The following SLC8A2 variants were observed in gnomAD, a reference collection of about 807,000 sequenced individuals.
The protein encoded by SLC8A2 is solute carrier family 8 member A2.
In SLC8A2, 14 loss-of-function variants were observed where a neutral mutation model predicts 70.2. The ratio of observed to expected loss-of-function variants is 0.20; its 90% CI spans 0.13 to 0.31. SLC8A2 has a LOEUF of 0.31. SLC8A2 is among the 10% of genes least tolerant of loss of function. The pLI, the probability that SLC8A2 is intolerant of heterozygous loss-of-function variation, is 1.00. For synonymous variants in SLC8A2, 575 were observed against 594.3 expected, an observed-to-expected ratio of 0.97 and a Z score of 0.47; for missense variants, 779 against 1,320.1, an observed-to-expected ratio of 0.59 and a Z score of 6.35.
At position 47,447,575 on chromosome 19, in the gene SLC8A2, C is replaced by T. The variant is rs1377415921; in HGVS notation, c.1763+234G>A. On this transcript the variant is annotated intron_variant, in intron 4 of 9. Coordinates refer to ENST00000236877, the MANE Select transcript of SLC8A2 (RefSeq NM_015063.3). This position sits in a 1 kb window ranked among gnomAD's most constrained non-coding sequence, Gnocchi z 5.1. ...ACTTTGGAGAACGATTCACTCAGGC[C>T]CCTCTCCTCCTGAGGGCCCAGCTGT... 3.8e-6 allele frequency: 2 copies of T among 520,578 alleles called. No individual in the cohort carries two copies. The highest frequency in any genetic ancestry group is 6.7e-6 in the Non-Finnish European group (2 of 297,828). The allele number at this position is 520,578 out of a possible 1,614,324, so 32.2% of individuals were successfully genotyped here. A position where few individuals can be genotyped will look rare whatever the true frequency, so the allele number is the denominator to read the frequency against.
chr19:47,447,816 C>T lies in SLC8A2; in HGVS notation c.1756G>A (p.Glu586Lys). ...CGCCTCGGGCGTGCTCACATGGTCT[C>T]GTCGTCGCCAAACTCCAGCTCTCCG... is the stretch of plus-strand genomic sequence containing the variant. Reference protein sequence around the residue: ...ACGELEFGDDETMKTLQVKIV... With the variant: ...ACGELEFGDDKTMKTLQVKIV... The change falls in exon 4 of 10, where the codon GAG (glutamate) becomes AAG (lysine). Residue 586 changes from glutamate (E) to lysine (K), a missense_variant. Physicochemically the swap from Glu to Lys is moderately conservative, Grantham distance 56 (BLOSUM62 1). Transcript: ENST00000236877. This position sits in a 1 kb window ranked among gnomAD's most constrained non-coding sequence, Gnocchi z 5.1. 2.5e-6 allele frequency: 4 copies of T among 1,589,350 alleles called. No homozygotes were observed. Among genetic ancestry groups the T allele is most frequent in the South Asian group, 1.1e-5 (1 of 89,402 alleles).
At chr19:47,462,909 T>C (rs1032761397) in intron 2 of SLC8A2, among the ~76,000 whole-genome samples, 11 of 152,082 alleles carry the variant, frequency 7.2e-5, no homozygotes, top group African/African-American at 2.7e-4. Flanking sequence ...TTATATGAAG[T>C]ATTTTCCTGT....
At position 47,432,415 on chromosome 19, in the gene SLC8A2, C is replaced by A; in HGVS notation, c.2141G>T (p.Arg714Leu). 6.2e-7 allele frequency: 1 copy of A among 1,606,982 alleles called. No individual in the cohort carries two copies. Residue 714 changes from arginine (R) to leucine (L), a missense_variant, in exon 9 of 10, where the codon CGG becomes CTG. Arg to Leu is a moderately radical substitution (Grantham distance 102, BLOSUM62 -2). This residue lies in a region of SLC8A2 where 247 missense variants were observed against 362.8 expected (regional missense o/e 0.68). Coordinates refer to ENST00000236877, the MANE Select transcript of SLC8A2 (RefSeq NM_015063.3). This position sits in a 1 kb window ranked among gnomAD's most constrained non-coding sequence, Gnocchi z 6.2. ...GDEEEEEDGSREERLPSCFDY... is the reference protein window; with the variant it reads ...GDEEEEEDGSLEERLPSCFDY... ...AAAGCACGACGGCAGCCGCTCCTCC[C>A]GGGACCCGTCCTCCTCCTCCTCCTC...
rs997535401 is a variant in SLC8A2, at chr19:47,428,605, TCA to T, written c.*1482_*1483del. 1 of 152,552 alleles carries T rather than the reference TCA, an allele frequency of 6.6e-6. No homozygotes were observed. Among genetic ancestry groups the T allele is most frequent in the African/African-American group, 2.4e-5 (1 of 41,400 alleles). 9.4% of individuals were successfully genotyped at this position (152,552 alleles called of 1,614,324 possible). The stretch of plus-strand genomic sequence containing the variant: ...ACTTGGTTTAACAGTTGCCCAAATC[TCA>T]GTCAGAGACCTTATTAGCCCCCTCC... On this transcript the variant is annotated 3_prime_UTR_variant, in exon 10 of 10. Transcript: ENST00000236877.
At chr19:47,441,798 TTAAA>T (rs1411168166) in intron 4 of SLC8A2, among the ~76,000 whole-genome samples, 6 of 152,142 alleles carry the variant, frequency 3.9e-5, no homozygotes, top group Non-Finnish European at 8.8e-5. Flanking sequence ...TCTATTTATA[TTAAA>T]TAATTTATTT....
At chr19:47,458,824 C>G (rs1967351057) in intron 2 of SLC8A2, among the ~76,000 whole-genome samples, 1 of 150,102 alleles carries the variant, frequency 6.7e-6, no homozygotes, top group Non-Finnish European at 1.5e-5. Flanking sequence ...CACCGTTTCT[C>G]TCTCTCCTTT....
At position 47,466,336 on chromosome 19, in the gene SLC8A2, G is replaced by T; in HGVS notation, c.68C>A (p.Thr23Asn). 1 of 1,467,294 alleles carries T rather than the reference G, an allele frequency of 6.8e-7. No homozygotes were observed. Among genetic ancestry groups the T allele is most frequent in the Non-Finnish European group, 9.0e-7 (1 of 1,107,866 alleles). 90.9% of individuals were successfully genotyped at this position (1,467,294 alleles called of 1,614,324 possible). Residue 23 changes from threonine (T) to asparagine (N), a missense_variant, in exon 2 of 10, where the codon ACC becomes AAC. Physicochemically the swap from Thr to Asn is moderately conservative, Grantham distance 65. Coordinates refer to ENST00000236877, the MANE Select transcript of SLC8A2 (RefSeq NM_015063.3). The surrounding 1 kb of genome is among the most constrained non-coding windows in gnomAD (Gnocchi z 6.9). The stretch of plus-strand genomic sequence containing the variant: ...GGGAGGCGGCAGGGAGGGGGTTGGG[G>T]TGGCTGCCCCGGAGCATGGGGGAGC... ...LAAPPCSGAATPTPSLPPPPA... is the reference protein window; with the variant it reads ...LAAPPCSGAANPTPSLPPPPA...
intron 3 of SLC8A2, among the ~76,000 whole-genome samples, chr19:47,449,218 G>T (rs1478312356): frequency 6.6e-6 from 1 of 152,060 alleles, no homozygotes; most frequent in African/African-American, 2.4e-5. Flanking sequence ...GGGAGCTGTT[G>T]GCATGGTCAA....
chr19:47,466,213 G>A lies in SLC8A2; in HGVS notation c.191C>T (p.Ser64Leu), dbSNP rs143980917. The change falls in exon 2 of 10, where the codon TCG becomes TTG. Residue 64 changes from serine to leucine, a missense_variant. Transcript: ENST00000236877. This position sits in a 1 kb window ranked among gnomAD's most constrained non-coding sequence, Gnocchi z 6.9. ...TGCCCGTGCCGCCTTGTCACCCAGCGACGGGTCGTCGGGCTCCCACACGGG... is the reference window on the plus strand; with the variant it reads ...TGCCCGTGCCGCCTTGTCACCCAGCAACGGGTCGTCGGGCTCCCACACGGG... ...LLPVWEPDDP[S>L]LGDKAARAVV... The A allele has an allele frequency of 2.0e-5, 33 of 1,611,008 alleles. No homozygotes were observed. Among genetic ancestry groups the A allele is most frequent in the Admixed American group, 3.3e-5 (2 of 59,950 alleles).
intron 1 of SLC8A2, among the ~76,000 whole-genome samples, chr19:47,470,769 A>G (rs182144511): frequency 2.4e-3 from 365 of 152,266 alleles, no homozygotes; most frequent in Non-Finnish European, 4.6e-3. Context: ...CATCTCTACT[A>G]CAGAGGCTAC....
chr19:47,467,116 CCAGAG>C (rs1599861411), intron 1 of SLC8A2, among the ~76,000 whole-genome samples: 1 of 152,258 alleles, frequency 6.6e-6, no homozygotes, highest in East Asian at 1.9e-4. Flanking sequence ...TTCAAACAAC[CCAGAG>C]GCCTATCAGC....
At chr19:47,442,510 C>T (rs978606464) in intron 4 of SLC8A2, among the ~76,000 whole-genome samples, 18 of 152,206 alleles carry the variant, frequency 1.2e-4, no homozygotes, top group Non-Finnish European at 1.5e-4. Context: ...GGCTTTTGCA[C>T]TGGCTGTTCC....
At chr19:47,438,060 A>G in intron 6 of SLC8A2, 87 bp from the exon 7 acceptor site, 1 of 1,543,774 alleles carries the variant, frequency 6.5e-7, no homozygotes. Context: ...CCATAGTTAG[A>G]GAAAGCCTAT....
In SLC8A2 at chr19:47,432,169, G is replaced by C. The variant is rs1244214794; in HGVS notation, c.2387C>G (p.Pro796Arg). Reference protein sequence around the residue: ...VVFVALGTSIPDTFASKVAAL... With the variant: ...VVFVALGTSIRDTFASKVAAL... ...ACCAAAGTCTCCCAGGGTGTTACCA[G>C]GGATGGAGGTGCCCAGGGCAACGAA... The change falls in exon 9 of 10, where the codon CCT becomes CGT. Residue 796 changes from proline to arginine, a missense_variant and splice_region_variant. Transcript: ENST00000236877. This position sits in a 1 kb window ranked among gnomAD's most constrained non-coding sequence, Gnocchi z 6.2. 6.2e-7 allele frequency: 1 copy of C among 1,606,380 alleles called. No homozygotes were observed. Among genetic ancestry groups the C allele is most frequent in the Non-Finnish European group, 8.5e-7 (1 of 1,175,102 alleles).
At position 47,437,870 on chromosome 19, in the gene SLC8A2, G is replaced by A. The variant is rs143301506; in HGVS notation, c.1989C>T (p.Ile663=). 9.3e-6 allele frequency: 15 copies of A among 1,613,860 alleles called. No homozygotes were observed. In the Admixed American group the frequency reaches 1.5e-4, roughly 16 times the overall value. ...TCACCTTAAAATCATATGACTCCTCGATGATGACCTCCAGCCGGCAGTTCT... is the reference window on the plus strand; with the variant it reads ...TCACCTTAAAATCATATGACTCCTCAATGATGACCTCCAGCCGGCAGTTCT... ...LGENCRLEVI[I]EESYDFKNTV... The change falls in exon 7 of 10, where the codon ATC becomes ATT. Residue 663 remains isoleucine, a synonymous_variant. Coordinates refer to ENST00000236877, the MANE Select transcript of SLC8A2 (RefSeq NM_015063.3).
intron 3 of SLC8A2, among the ~76,000 whole-genome samples, chr19:47,453,132 A>G (rs1967264736): frequency 6.6e-6 from 1 of 152,244 alleles, no homozygotes; most frequent in African/African-American, 2.4e-5. Context: ...AGAATCTTGG[A>G]AAAACTGTGC....
At position 47,463,692 on chromosome 19, in the gene SLC8A2, AAAG is replaced by A. The variant is rs1337890831; in HGVS notation, c.675+2034_675+2036del. 3.3e-5 allele frequency among the ~76,000 whole-genome samples: 5 copies of A among 151,728 alleles called. No individual in the cohort carries two copies. In the East Asian group the frequency reaches 5.8e-4, roughly 18 times the overall value. ...AAGACTCTGTCTCAAAAAAAAAAAA[AAAG>A]AAAGAAATAGAAATCTTTTCTTTAT... On this transcript the variant is annotated intron_variant, in intron 2 of 9. Transcript: ENST00000236877.
intron 3 of SLC8A2, among the ~76,000 whole-genome samples, chr19:47,454,952 T>C (rs149337437): frequency 1.4e-3 from 220 of 152,046 alleles, no homozygotes; most frequent in African/African-American, 5.0e-3. Flanking sequence ...CTGGGTGTGG[T>C]GGTGGGCACC....
At chr19:47,454,363 T>C (rs1439643070) in intron 3 of SLC8A2, among the ~76,000 whole-genome samples, 1 of 152,072 alleles carries the variant, frequency 6.6e-6, no homozygotes, top group East Asian at 1.9e-4. Flanking sequence ...ACTGAGGGCA[T>C]GTGGATGATA....
Sources: gnomAD v4.1 joint callset for allele counts (sites outside exome capture counted in the v4.1 genomes callset) on GRCh38, gnomAD v4.1.1 for gene constraint, gnomAD v4.1.1 regional missense constraint, Gnocchi (gnomAD v3.1) non-coding constraint, MANE v1.5 for transcripts, NCBI Gene and HGNC (gene_info 2026-07-23, HGNC 2026-07-21) for gene names.